Variants in R3HCC1L observed in about 807,000 individuals in gnomAD.
R3HCC1L encodes the protein R3H domain and coiled-coil containing 1 like.
Under a neutral mutation model 59.9 loss-of-function variants are expected in R3HCC1L, and 51 were observed. That is an observed-to-expected ratio of 0.85 (90% CI 0.68 to 1.07). The LOEUF (loss-of-function observed/expected upper bound fraction) is 1.07. Among genes scored for constraint, R3HCC1L ranks in the 50% least tolerant of loss-of-function variants. The pLI, the probability that R3HCC1L is intolerant of heterozygous loss-of-function variation, is 0.00. For missense variants in R3HCC1L, 965 were observed against 933.0 expected (o/e 1.03, Z -0.45); for synonymous variants, 322 against 315.2 (o/e 1.02, Z -0.23).
chr10:98,153,263 C>T (rs944251489), intron 1 of R3HCC1L, among the ~76,000 whole-genome samples: 9 of 152,208 alleles, frequency 5.9e-5, no homozygotes, highest in Admixed American at 1.3e-4. Flanking sequence ...TTGTTCTGTA[C>T]TAAGAAAAAT....
intron 1 of R3HCC1L, among the ~76,000 whole-genome samples, chr10:98,151,415 G>T (rs1037205992): frequency 6.6e-6 from 1 of 152,188 alleles, no homozygotes; most frequent in African/African-American, 2.4e-5. Context: ...TTGTTGTGAG[G>T]ATTGGCTCTG....
intron 5 of R3HCC1L, among the ~76,000 whole-genome samples, chr10:98,229,708 G>A (rs1448623558): frequency 2.6e-5 from 4 of 152,140 alleles, no homozygotes; most frequent in Admixed American, 2.0e-4. Context: ...TATGATATTG[G>A]CTGTGGGTTT....
At chr10:98,202,890 C>G (rs1043403783) in intron 4 of R3HCC1L, among the ~76,000 whole-genome samples, 2 of 151,584 alleles carry the variant, frequency 1.3e-5, no homozygotes, top group Non-Finnish European at 2.9e-5. Context: ...GGGAGGGGAG[C>G]TGTTCTCCCA....
intron 2 of R3HCC1L, among the ~76,000 whole-genome samples, chr10:98,157,872 C>T (rs1847034067): frequency 6.6e-6 from 1 of 152,068 alleles, no homozygotes; most frequent in Non-Finnish European, 1.5e-5. Flanking sequence ...AATAGTATTA[C>T]ATGATTATTA....
intron 2 of R3HCC1L, among the ~76,000 whole-genome samples, chr10:98,160,494 A>G (rs1186869562): frequency 1.3e-5 from 2 of 152,246 alleles, no homozygotes; most frequent in Non-Finnish European, 2.9e-5. Flanking sequence ...ATTAAATTAC[A>G]TATGTGGCTC....
At chr10:98,194,837 A>G (rs1851248937) in intron 4 of R3HCC1L, among the ~76,000 whole-genome samples, 1 of 152,180 alleles carries the variant, frequency 6.6e-6, no homozygotes. Context: ...ACAAGGATGT[A>G]GAGGAATTGG....
At chr10:98,198,431 A>C (rs1231794855) in intron 4 of R3HCC1L, among the ~76,000 whole-genome samples, 1 of 152,106 alleles carries the variant, frequency 6.6e-6, no homozygotes, top group African/African-American at 2.4e-5. Context: ...AATGAGAAGA[A>C]AGAATACTCT....
intron 4 of R3HCC1L, among the ~76,000 whole-genome samples, chr10:98,204,663 G>A (rs1345837967): frequency 6.6e-6 from 1 of 152,122 alleles, no homozygotes; most frequent in Non-Finnish European, 1.5e-5. Flanking sequence ...GGTCATCCAT[G>A]TATGAAAATA....
At chr10:98,167,317 T>G (rs1848048424) in intron 4 of R3HCC1L, among the ~76,000 whole-genome samples, 1 of 152,220 alleles carries the variant, frequency 6.6e-6, no homozygotes, top group Admixed American at 6.5e-5. Flanking sequence ...ACTCTTAAAT[T>G]TATTAACTTG....
At chr10:98,231,734 C>A in intron 6 of R3HCC1L, 47 bp downstream of exon 6, 3 of 1,470,328 alleles carry the variant, frequency 2.0e-6, no homozygotes, top group African/African-American at 1.4e-5. Flanking sequence ...GAGATGAAGT[C>A]TTTAAAAAAT....
chr10:98,178,137 C>T (rs1461908927), intron 4 of R3HCC1L, among the ~76,000 whole-genome samples: 1 of 152,108 alleles, frequency 6.6e-6, no homozygotes, highest in South Asian at 2.1e-4. Context: ...GAAGTCCTTG[C>T]CCATGCCTGT....
chr10:98,145,860 A>T (rs996875816), intron 1 of R3HCC1L, among the ~76,000 whole-genome samples: 49 of 152,168 alleles, frequency 3.2e-4, no homozygotes, highest in African/African-American at 1.1e-3. Flanking sequence ...GAGGCAGGAG[A>T]ATCACTTGAA....
intron 5 of R3HCC1L, among the ~76,000 whole-genome samples, chr10:98,229,258 C>T (rs1590811135): frequency 6.6e-6 from 1 of 152,168 alleles, no homozygotes. Context: ...TCTTTTATTT[C>T]ATCAAGCAGT....
At chr10:98,240,486 TTA>T (rs1857412930) in intron 9 of R3HCC1L, among the ~76,000 whole-genome samples, 1 of 152,382 alleles carries the variant, frequency 6.6e-6, no homozygotes, top group Non-Finnish European at 1.5e-5. Flanking sequence ...TATTTTCATT[TTA>T]TTCTTGAAGG....
At chr10:98,174,672 A>G (rs1848825100) in intron 4 of R3HCC1L, 21 of 985,050 alleles carry the variant, frequency 2.1e-5, no homozygotes, top group Non-Finnish European at 2.4e-5. Flanking sequence ...CAATGAGGCC[A>G]TCCTGCCCAG....
chr10:98,159,464 C>T (rs1380405793), intron 2 of R3HCC1L, among the ~76,000 whole-genome samples: 1 of 152,084 alleles, frequency 6.6e-6, no homozygotes, highest in Non-Finnish European at 1.5e-5. Flanking sequence ...TGTAAAAATA[C>T]GTAGATACTT....
At chr10:98,210,334 G>C (rs1853421626) in intron 5 of R3HCC1L, among the ~76,000 whole-genome samples, 1 of 152,076 alleles carries the variant, frequency 6.6e-6, no homozygotes. Flanking sequence ...GAAAAGAAGG[G>C]TAAAATACAA....
rs897468504 is a variant in R3HCC1L at position 98,163,416 on chromosome 10, T to C, written c.-15+19T>C. On this transcript the variant is annotated intron_variant, in intron 4 of 9. Transcript: ENST00000298999. ...TTACATGGTAAGTTGCCTTTACTTA[T>C]GCATATTTTATAGAAATACTGTCTG... The C allele has an allele frequency of 2.7e-5, 35 of 1,279,738 alleles. No individual in the cohort carries two copies. The highest frequency in any genetic ancestry group is 7.8e-5 in the Admixed American group (3 of 38,262). The allele number at this position is 1,279,738 out of a possible 1,614,324, so 79.3% of individuals were successfully genotyped here.
intron 5 of R3HCC1L, among the ~76,000 whole-genome samples, chr10:98,217,806 AT>A (rs969386885): frequency 5.7e-5 from 8 of 141,028 alleles, no homozygotes; most frequent in Non-Finnish European, 6.2e-5. Context: ...TTCTTTCTTG[AT>A]TTTTTTTTTC....
Sources: gnomAD v4.1 joint callset for allele counts (sites outside exome capture counted in the v4.1 genomes callset) on GRCh38, gnomAD v4.1.1 for gene constraint, MANE v1.5 for transcripts, NCBI Gene and HGNC (gene_info 2026-07-23, HGNC 2026-07-21) for gene names.